The following SRGAP2 variants were observed in gnomAD, a reference collection of about 807,000 sequenced individuals.
The protein encoded by SRGAP2 is SLIT-ROBO Rho GTPase activating protein 2, also known as SLIT-ROBO Rho GTPase-activating protein 2.
A neutral mutation model predicts 57.2 loss-of-function variants in SRGAP2; 15 were observed. The observed-to-expected ratio is 0.26, with a 90% CI of 0.18 to 0.40. The LOEUF (loss-of-function observed/expected upper bound fraction) is 0.40, where lower values mean the gene tolerates loss of function less well. Ranked by LOEUF, SRGAP2 falls within the 10% of genes least tolerant of loss-of-function variation. SRGAP2 has a pLI of 1.00. For synonymous variants in SRGAP2, 249 were observed against 248.0 expected (o/e 1.00, Z -0.04); for missense variants, 520 against 669.6 (o/e 0.78, Z 2.47).
At chr1:206,373,014 TTTCTTTCTTTCTTTTC>T (rs1654824444) in intron 4 of SRGAP2, among the ~76,000 whole-genome samples, 2 of 120,276 alleles carry the variant, frequency 1.7e-5, no homozygotes, top group Admixed American at 9.1e-5. Flanking sequence ...TCTTTCTTTC[TTTCTTTCTTTCTTTTC>T]TTTCTCTCTC....
intron 2 of SRGAP2, among the ~76,000 whole-genome samples, chr1:206,257,656 G>C (rs1669268291): frequency 7.4e-6 from 1 of 134,476 alleles, no homozygotes; most frequent in African/African-American, 2.7e-5. Flanking sequence ...CCTAGGGGGT[G>C]AGTGAATAAG....
chr1:206,438,970 T>G (rs1360911383), intron 16 of SRGAP2, among the ~76,000 whole-genome samples: 1 of 152,166 alleles, frequency 6.6e-6, no homozygotes, highest in Non-Finnish European at 1.5e-5. Flanking sequence ...TTTTGTTGAC[T>G]TCTGTTTGTG....
At chr1:206,459,144 G>T (rs1558459078) in intron 22 of SRGAP2, among the ~76,000 whole-genome samples, 197 bp downstream of exon 22, 3 of 152,196 alleles carry the variant, frequency 2.0e-5, no homozygotes, top group Non-Finnish European at 4.4e-5. Context: ...TCCCCAGGAA[G>T]AACCTAAAGA....
At chr1:206,364,162 T>C (rs2103000900) in intron 4 of SRGAP2, among the ~76,000 whole-genome samples, 1 of 149,418 alleles carries the variant, frequency 6.7e-6, no homozygotes. Flanking sequence ...AAGAGCCATT[T>C]AGGCTATGTT....
At chr1:206,358,983 A>G (rs1193414268) in intron 4 of SRGAP2, among the ~76,000 whole-genome samples, 9 of 151,736 alleles carry the variant, frequency 5.9e-5, no homozygotes, top group African/African-American at 1.7e-4. Flanking sequence ...AGGATCTTGG[A>G]AAAAAAACAG....
intron 14 of SRGAP2, among the ~76,000 whole-genome samples, chr1:206,432,399 T>G (rs1266716597): frequency 6.6e-6 from 1 of 152,202 alleles, no homozygotes; most frequent in Non-Finnish European, 1.5e-5. Flanking sequence ...GCACTTACGA[T>G]CCAGCAGATC....
At chr1:206,306,945 T>C (rs1672245340) in intron 3 of SRGAP2, among the ~76,000 whole-genome samples, 1 of 150,562 alleles carries the variant, frequency 6.6e-6, no homozygotes, top group Admixed American at 6.6e-5. Flanking sequence ...AGATACAGAG[T>C]GTCGATTGGT....
intron 13 of SRGAP2, 114 bp from the exon 14 acceptor site, chr1:206,430,048 G>A: frequency 1.4e-6 from 1 of 714,604 alleles, no homozygotes; most frequent in Admixed American, 1.9e-5. Context: ...GTGCTTCTTT[G>A]TAGACCGGCT....
In SRGAP2 at chr1:206,439,933, C is replaced by T. The variant is rs782762810; in HGVS notation, c.1769-43C>T. On this transcript the variant is annotated intron_variant, in intron 16 of 22. Transcript: ENST00000573034. ...ACTTCTGATCATTACTGCCTGGGATCCCAGTCATAGTGGAGGATAACACAT... is the reference window on the plus strand; with the variant it reads ...ACTTCTGATCATTACTGCCTGGGATTCCAGTCATAGTGGAGGATAACACAT... 1.0e-5 allele frequency: 8 copies of T among 773,514 alleles called. No homozygotes were observed. In the Admixed American group the frequency reaches 1.4e-4, roughly 13 times the overall value. 47.9% of individuals were successfully genotyped at this position (773,514 alleles called of 1,614,324 possible).
chr1:206,421,320 T>C (rs782471270), intron 13 of SRGAP2, 46 bp downstream of exon 13: 1 of 757,656 alleles, frequency 1.3e-6, no homozygotes, highest in South Asian at 1.4e-5. Flanking sequence ...GAAAATATAG[T>C]CCATCCCACA....
At chr1:206,252,338 A>G (rs1668891572) in intron 2 of SRGAP2, among the ~76,000 whole-genome samples, 1 of 152,100 alleles carries the variant, frequency 6.6e-6, no homozygotes, top group Non-Finnish European at 1.5e-5. Context: ...AAAAGATATT[A>G]GCGCAGCTTT....
intron 2 of SRGAP2, among the ~76,000 whole-genome samples, chr1:206,237,984 T>C (rs1390736094): frequency 4.3e-5 from 1 of 23,160 alleles, no homozygotes; most frequent in Non-Finnish European, 9.2e-5. Flanking sequence ...TTTTCTTACT[T>C]ATGTGTGTAT....
At chr1:206,313,348 G>A (rs1672809365) in intron 3 of SRGAP2, among the ~76,000 whole-genome samples, 1 of 136,280 alleles carries the variant, frequency 7.3e-6, no homozygotes, top group Non-Finnish European at 1.6e-5. Flanking sequence ...TCAACATAAG[G>A]CTATATGTAG....
intron 11 of SRGAP2, among the ~76,000 whole-genome samples, chr1:206,417,989 G>A (rs1553362634): frequency 6.6e-6 from 1 of 151,402 alleles, no homozygotes; most frequent in African/African-American, 2.4e-5. Context: ...GTGTGTGTGA[G>A]TGAATGGGTT....
intron 18 of SRGAP2, among the ~76,000 whole-genome samples, chr1:206,448,903 C>G (rs1328890131): frequency 1.3e-5 from 2 of 152,158 alleles, no homozygotes; most frequent in Middle Eastern, 3.2e-3. Flanking sequence ...TTCTCTGGAG[C>G]CTGGGAAACC....
intron 4 of SRGAP2, among the ~76,000 whole-genome samples, chr1:206,363,406 T>G (rs1366531783): frequency 2.6e-5 from 4 of 152,030 alleles, no homozygotes; most frequent in African/African-American, 9.7e-5. Flanking sequence ...ATCCCATCTT[T>G]CCAATATTTG....
intron 14 of SRGAP2, among the ~76,000 whole-genome samples, chr1:206,433,546 C>T (rs1362161868): frequency 2.0e-5 from 3 of 151,214 alleles, no homozygotes; most frequent in African/African-American, 7.3e-5. Context: ...GAGGCTGAGG[C>T]ACAAGAATCA....
At chr1:206,370,902 T>C (rs1553342482) in intron 4 of SRGAP2, among the ~76,000 whole-genome samples, 1 of 151,544 alleles carries the variant, frequency 6.6e-6, no homozygotes, top group Non-Finnish European at 1.5e-5. Context: ...ATACTGAAGC[T>C]CAGAGAGATA....
chr1:206,346,495 C>T (rs1302058919), intron 4 of SRGAP2, among the ~76,000 whole-genome samples: 1 of 152,140 alleles, frequency 6.6e-6, no homozygotes, highest in East Asian at 1.9e-4. Flanking sequence ...AAATGAAGAC[C>T]AGATTTCTTG....
Sources: allele counts gnomAD v4.1 joint callset (sites outside exome capture counted in the v4.1 genomes callset), GRCh38; gene constraint gnomAD v4.1.1; transcripts MANE v1.5; gene names NCBI Gene and HGNC (gene_info 2026-07-23, HGNC 2026-07-21).